Variants in ANP32E observed in about 807,000 individuals in gnomAD.
The protein encoded by ANP32E is acidic leucine-rich nuclear phosphoprotein 32 family member E.
In ANP32E, 14 loss-of-function variants were observed where a neutral mutation model predicts 35.3. The observed-to-expected ratio is 0.40, with a 90% CI of 0.26 to 0.62. The LOEUF is 0.62. Ranked by LOEUF, ANP32E falls within the 20% of genes least tolerant of loss-of-function variation. The pLI, the probability that ANP32E is intolerant of heterozygous loss-of-function variation, is 0.45. For synonymous variants in ANP32E, 89 were observed against 110.4 expected (o/e 0.81, Z 1.22); for missense variants, 198 against 304.4 (o/e 0.65, Z 2.60).
In ANP32E at chr1:150,235,119, C is replaced by G. The variant is rs1649668786; in HGVS notation, c.54+614G>C. On this transcript the variant is annotated intron_variant, in intron 1 of 6. Transcript: ENST00000583931. This position sits in a 1 kb window ranked among gnomAD's most constrained non-coding sequence, Gnocchi z 4.2. Reference sequence around the variant, plus strand: ...CAAACTCGCCCGCGGTCGGAGAACCCGCCGCTGACCCAGATTCCGCCGGGC... The same window carrying G: ...CAAACTCGCCCGCGGTCGGAGAACCGGCCGCTGACCCAGATTCCGCCGGGC... Among the ~76,000 whole-genome samples the G allele has an allele frequency of 6.6e-6, 1 of 152,216 alleles. No individual in the cohort carries two copies. Among genetic ancestry groups the G allele is most frequent in the South Asian group, 2.1e-4 (1 of 4,838 alleles).
chr1:150,225,058 G>C (rs1648754935), intron 5 of ANP32E, among the ~76,000 whole-genome samples: 1 of 152,206 alleles, frequency 6.6e-6, no homozygotes, highest in Non-Finnish European at 1.5e-5. Context: ...TCACGATTCA[G>C]AGGTAACAGA....
chr1:150,234,023 A>G (rs745902077), intron 1 of ANP32E, among the ~76,000 whole-genome samples: 8 of 152,150 alleles, frequency 5.3e-5, no homozygotes, highest in Non-Finnish European at 7.3e-5. Flanking sequence ...AATCCACCTT[A>G]CAAGTACGTA....
chr1:150,221,464 AG>A (rs1553837848), intron 6 of ANP32E, among the ~76,000 whole-genome samples: 9 of 113,538 alleles, frequency 7.9e-5, no homozygotes, highest in African/African-American at 4.9e-4. Flanking sequence ...GCAGGCTAAG[AG>A]AGGAAGAGAG....
Position 150,226,655 on chromosome 1 carries a change from C to T in ANP32E, c.634G>A (p.Gly212Arg), listed in dbSNP as rs1025377833. The T allele has an allele frequency of 2.5e-6, 4 of 1,612,956 alleles. No individual in the cohort carries two copies. The highest frequency in any genetic ancestry group is 2.5e-6 in the Non-Finnish European group (3 of 1,179,240). The change falls in exon 5 of 7, where the codon GGA becomes AGA. Residue 212 changes from glycine to arginine, a missense_variant. Gly to Arg is a moderately radical substitution (Grantham distance 125). Transcript: ENST00000583931. ...TATGAGAGGCCCACTTCCTCTTCTC[C>T]CTCTCCCAACTCTGAACCTGCTTCA... ...EDEAGSELGE[G>R]EEEVGLSYLM...
chr1:150,220,742 C>T lies in ANP32E; in HGVS notation c.756G>A (p.Gly252=), dbSNP rs1553837472. ...CTTCAGCATCTCGTTTCCTCTTCTC[C>T]CCTCGAAGACCTCCTTCTTCTTAAA... ...EEEEEEGGLR[G]EKRKRDAEDD... is the part of the protein sequence containing the mutation. Residue 252 remains glycine, a synonymous_variant, in exon 7 of 7, where the codon GGG becomes GGA. Coordinates refer to ENST00000583931, the MANE Select transcript of ANP32E (RefSeq NM_030920.5). 2.5e-6 allele frequency: 4 copies of T among 1,613,798 alleles called. No homozygotes were observed. The Admixed American group carries it at 5.0e-5, about 20-fold the overall frequency.
At chr1:150,232,992 C>G (rs1185420262) in intron 1 of ANP32E, among the ~76,000 whole-genome samples, 1 of 151,704 alleles carries the variant, frequency 6.6e-6, no homozygotes, top group East Asian at 1.9e-4. Context: ...GTGCCAGGCT[C>G]GGGGGCTCAC....
chr1:150,221,115 CAA>C (rs34843209), intron 6 of ANP32E, among the ~76,000 whole-genome samples: 4 of 68,914 alleles, frequency 5.8e-5, no homozygotes, highest in Non-Finnish European at 1.0e-4. Flanking sequence ...ACTTTGTCTC[CAA>C]AAAAAAAAAA....
At chr1:150,224,088 T>C (rs906991373) in intron 5 of ANP32E, among the ~76,000 whole-genome samples, 1 of 151,856 alleles carries the variant, frequency 6.6e-6, no homozygotes, top group Non-Finnish European at 1.5e-5. Context: ...ATACAATCAG[T>C]TGAAATAAAG....
intron 3 of ANP32E, among the ~76,000 whole-genome samples, chr1:150,230,024 C>T (rs1401029103): frequency 6.6e-6 from 1 of 152,180 alleles, no homozygotes; most frequent in East Asian, 1.9e-4. Context: ...ACAACCAGCT[C>T]ACCTGGCTAA....
At chr1:150,233,151 G>A (rs1323580772) in intron 1 of ANP32E, among the ~76,000 whole-genome samples, 2 of 151,550 alleles carry the variant, frequency 1.3e-5, no homozygotes, top group Non-Finnish European at 2.9e-5. Flanking sequence ...TGTAATGCCA[G>A]CTACTCGGGA....
At chr1:150,221,962 C>A (rs898785456) in intron 6 of ANP32E, among the ~76,000 whole-genome samples, 1 of 151,906 alleles carries the variant, frequency 6.6e-6, no homozygotes, top group Non-Finnish European at 1.5e-5. Flanking sequence ...TGGTGGTGGG[C>A]ACCTGTAGTC....
chr1:150,223,422 T>G, intron 5 of ANP32E, 182 bp from the exon 6 acceptor site: 1 of 690,688 alleles, frequency 1.4e-6, no homozygotes, highest in Middle Eastern at 4.0e-4. Context: ...GGCTCACGCC[T>G]GTAATCCCAG....
Position 150,229,170 on chromosome 1 carries a change from C to G in ANP32E, c.395G>C (p.Arg132Thr). The G allele has an allele frequency of 6.2e-7, 1 of 1,612,726 alleles. No homozygotes were observed. The highest frequency in any genetic ancestry group is 8.5e-7 in the Non-Finnish European group (1 of 1,179,004). ...NCEITNLEDY[R>T]ESIFELLQQI... ...CTGCAGTAGTTCAAAAATACTTTCTCTATAATCTTCCAGGTTTGTGATCTC... is the reference window on the plus strand; with the variant it reads ...CTGCAGTAGTTCAAAAATACTTTCTGTATAATCTTCCAGGTTTGTGATCTC... Residue 132 changes from arginine to threonine, a missense_variant, in exon 4 of 7, where the codon AGA (arginine) becomes ACA (threonine). By Grantham distance (71) the Arg-to-Thr change is moderately conservative. This residue lies in a region of ANP32E where 31 missense variants were observed against 62.6 expected (regional missense o/e 0.50). Transcript: ENST00000583931.
chr1:150,228,418 G>A (rs1490450760), intron 4 of ANP32E, among the ~76,000 whole-genome samples: 10 of 152,134 alleles, frequency 6.6e-5, no homozygotes, highest in Non-Finnish European at 1.3e-4. Flanking sequence ...GGGCCGGGGC[G>A]TGGTGGCTCA....
chr1:150,225,664 G>A (rs1194746943), intron 5 of ANP32E, among the ~76,000 whole-genome samples: 1 of 344 alleles, frequency 2.9e-3, no homozygotes, highest in African/African-American at 0.017. Flanking sequence ...GAGTGAGACT[G>A]TAACAAAAAA....
chr1:150,220,617 G>T lies in ANP32E; in HGVS notation c.*74C>A. 1 of 1,347,920 alleles carries T rather than the reference G, an allele frequency of 7.4e-7. No homozygotes were observed. 83.5% of individuals were successfully genotyped at this position (1,347,920 alleles called of 1,614,324 possible). A position where few individuals can be genotyped will look rare whatever the true frequency, so the allele number is the denominator to read the frequency against. On this transcript the variant is annotated 3_prime_UTR_variant, in exon 7 of 7. Coordinates refer to ENST00000583931, the MANE Select transcript of ANP32E (RefSeq NM_030920.5). ...ATTATCTTCTGTAGGGATAGCTATC[G>T]TACATGAAGAAACAAAGATGTGATC...
intron 4 of ANP32E, among the ~76,000 whole-genome samples, chr1:150,228,079 A>T (rs587605083): frequency 1.1e-3 from 172 of 150,854 alleles, no homozygotes; most frequent in Middle Eastern, 3.4e-3. Context: ...CCATATATAT[A>T]TTATATATAT....
chr1:150,227,964 T>C (rs1223955202), intron 4 of ANP32E, among the ~76,000 whole-genome samples: 1 of 151,430 alleles, frequency 6.6e-6, no homozygotes, highest in Non-Finnish European at 1.5e-5. Context: ...CCCATACCCA[T>C]AGGCAGTCAC....
At position 150,220,616 on chromosome 1, in the gene ANP32E, C is replaced by T; in HGVS notation, c.*75G>A. The T allele has an allele frequency of 5.2e-6, 7 of 1,349,858 alleles. No homozygotes were observed. The highest frequency in any genetic ancestry group is 1.2e-5 in the South Asian group (1 of 84,462). The allele number at this position is 1,349,858 out of a possible 1,614,324, so 83.6% of individuals were successfully genotyped here. ...CATTATCTTCTGTAGGGATAGCTAT[C>T]GTACATGAAGAAACAAAGATGTGAT... On this transcript the variant is annotated 3_prime_UTR_variant, in exon 7 of 7. Coordinates refer to ENST00000583931, the MANE Select transcript of ANP32E (RefSeq NM_030920.5).
Sources: gnomAD v4.1 joint callset for allele counts (sites outside exome capture counted in the v4.1 genomes callset) on GRCh38, gnomAD v4.1.1 for gene constraint, gnomAD v4.1.1 regional missense constraint, Gnocchi (gnomAD v3.1) non-coding constraint, MANE v1.5 for transcripts, NCBI Gene and HGNC (gene_info 2026-07-23, HGNC 2026-07-21) for gene names.